Variants in POLK observed in about 807,000 individuals in gnomAD.
POLK encodes DNA polymerase kappa, also known as polymerase (DNA directed) kappa.
A neutral mutation model predicts 94.0 loss-of-function variants in POLK; 76 were observed. The ratio of observed to expected loss-of-function variants is 0.81; its 90% CI spans 0.67 to 0.98. POLK has a LOEUF of 0.98. POLK is among the 50% of genes least tolerant of loss of function. The pLI is 0.00. For synonymous variants in POLK, 349 were observed against 325.4 expected, an observed-to-expected ratio of 1.07 and a Z score of -0.78; for missense variants, 954 against 1,010.1, an observed-to-expected ratio of 0.94 and a Z score of 0.75.
chr5:75,511,773 G>A (rs1768022896), exon 1 of POLK: 1 of 1,551,494 alleles, frequency 6.4e-7, no homozygotes, highest in East Asian at 2.4e-5. Flanking sequence ...GGCTCTCCCG[G>A]GTGACGACGG....
intron 10 of POLK, among the ~76,000 whole-genome samples, 181 bp downstream of exon 10, chr5:75,587,239 C>T (rs753461214): frequency 6.6e-6 from 1 of 152,088 alleles, no homozygotes; most frequent in Non-Finnish European, 1.5e-5. Flanking sequence ...TTTTCAGTTG[C>T]TATAATCTCA....
At chr5:75,548,814 A>G (rs1425852482) in intron 2 of POLK, among the ~76,000 whole-genome samples, 1 of 152,088 alleles carries the variant, frequency 6.6e-6, no homozygotes, top group Non-Finnish European at 1.5e-5. Flanking sequence ...CAGGATATTA[A>G]TTGATGAATC....
At chr5:75,511,485 C>T, upstream of POLK, 1 of 1,502,812 alleles carries the variant, frequency 6.7e-7, no homozygotes, top group Non-Finnish European at 8.9e-7. Context: ...GCGCCCGGCG[C>T]TGCCACCCGA....
At chr5:75,542,867 C>T (rs186480603) in intron 1 of POLK, among the ~76,000 whole-genome samples, 78 of 150,506 alleles carry the variant, frequency 5.2e-4, no homozygotes, top group African/African-American at 1.6e-3. Context: ...CATCTGCCAC[C>T]GCGCCCAGCT....
At chr5:75,510,789 G>A (rs1271637442), upstream of POLK, among the ~76,000 whole-genome samples, 3 of 152,090 alleles carry the variant, frequency 2.0e-5, no homozygotes, top group Admixed American at 1.3e-4. Flanking sequence ...CAGTCGTTCG[G>A]ACACCGCTGA....
At chr5:75,542,616 CATAT>C (rs200462996) in intron 1 of POLK, among the ~76,000 whole-genome samples, 1 of 149,554 alleles carries the variant, frequency 6.7e-6, no homozygotes, top group African/African-American at 2.5e-5. Context: ...CACATATACA[CATAT>C]ATATACACAT....
At chr5:75,542,421 CT>C (rs1297641444) in intron 1 of POLK, among the ~76,000 whole-genome samples, 3 of 151,640 alleles carry the variant, frequency 2.0e-5, no homozygotes, top group Non-Finnish European at 4.4e-5. Context: ...TTCCAGGTGA[CT>C]TTGATCACAG....
chr5:75,593,483 C>T (rs1196410184), intron 11 of POLK, among the ~76,000 whole-genome samples: 1 of 152,112 alleles, frequency 6.6e-6, no homozygotes, highest in Non-Finnish European at 1.5e-5. Flanking sequence ...ATTCCATATT[C>T]TTATGTCCGT....
At chr5:75,522,178 C>A (rs925236697) in intron 1 of POLK, among the ~76,000 whole-genome samples, 2 of 152,182 alleles carry the variant, frequency 1.3e-5, no homozygotes, top group Non-Finnish European at 2.9e-5. Context: ...GTGGGGGAAA[C>A]TGGTTGTCTA....
At chr5:75,570,485 A>T (rs543834474) in intron 4 of POLK, among the ~76,000 whole-genome samples, 1 of 152,352 alleles carries the variant, frequency 6.6e-6, no homozygotes, top group South Asian at 2.1e-4. Context: ...GCAAAGCCTA[A>T]AATGATTACT....
At chr5:75,559,678 A>G (rs1009337119) in intron 3 of POLK, among the ~76,000 whole-genome samples, 2 of 151,778 alleles carry the variant, frequency 1.3e-5, no homozygotes, top group Non-Finnish European at 2.9e-5. Context: ...TGGGGGGACT[A>G]TAGGTGTACA....
At position 75,511,843 on chromosome 5, in the gene POLK, A is replaced by C. The variant is rs1467049041; in HGVS notation, c.-85A>C. On this transcript the variant is annotated 5_prime_UTR_variant, in exon 1 of 15. Coordinates refer to ENST00000241436, the Ensembl canonical transcript of POLK. ...CGGGGTAGGGATGCAGCTGTGCTGC[A>C]TTCTGGGAAGGGCGTTGGTCCGTCG... The C allele has an allele frequency of 2.6e-6, 4 of 1,547,156 alleles. No homozygotes were observed. The South Asian group carries it at 4.8e-5, about 18-fold the overall frequency.
At chr5:75,558,070 T>C (rs1770732040) in intron 3 of POLK, among the ~76,000 whole-genome samples, 1 of 152,206 alleles carries the variant, frequency 6.6e-6, no homozygotes, top group African/African-American at 2.4e-5. Context: ...ATTACAGATG[T>C]GAGCCAACAT....
chr5:75,586,966 T>C (rs1275138271), intron 9 of POLK, 60 bp from the exon 10 acceptor site: 7 of 1,193,112 alleles, frequency 5.9e-6, no homozygotes, highest in Non-Finnish European at 8.5e-6. Flanking sequence ...TTAAATCCTC[T>C]TGGTTAACTA....
chr5:75,580,231 G>A (rs982635393), intron 6 of POLK, among the ~76,000 whole-genome samples: 3 of 151,614 alleles, frequency 2.0e-5, no homozygotes, highest in African/African-American at 7.3e-5. Context: ...TTTTTCTTCT[G>A]TATTGACCTT....
At chr5:75,584,389 T>TA (rs1772351622) in intron 8 of POLK, among the ~76,000 whole-genome samples, 1 of 152,170 alleles carries the variant, frequency 6.6e-6, no homozygotes, top group Non-Finnish European at 1.5e-5. Flanking sequence ...ACATTATTCA[T>TA]ACCTTTTATC....
At chr5:75,579,359 AT>A (rs933948416) in intron 6 of POLK, among the ~76,000 whole-genome samples, 16 of 148,976 alleles carry the variant, frequency 1.1e-4, no homozygotes, top group East Asian at 3.9e-4. Flanking sequence ...CACAGTCTTT[AT>A]TTTTTTTTTA....
chr5:75,585,056 T>C (rs1772395563), intron 9 of POLK, 130 bp downstream of exon 9: 3 of 651,112 alleles, frequency 4.6e-6, no homozygotes. Flanking sequence ...CAAAATATAA[T>C]GTTTGAATTA....
chr5:75,572,955 C>T (rs947926968), intron 4 of POLK, among the ~76,000 whole-genome samples: 5 of 152,154 alleles, frequency 3.3e-5, no homozygotes, highest in South Asian at 4.1e-4. Context: ...GTTAGTGTGG[C>T]GATTCCTCAG....
Sources: gnomAD v4.1 joint callset for allele counts (sites outside exome capture counted in the v4.1 genomes callset) on GRCh38, gnomAD v4.1.1 for gene constraint, MANE v1.5 for transcripts, NCBI Gene and HGNC (gene_info 2026-07-23, HGNC 2026-07-21) for gene names.